NLGN4X: variants seen among roughly 807,000 people sequenced by gnomAD.
NLGN4X encodes neuroligin-4, X-linked.
A neutral mutation model predicts 40.3 loss-of-function variants in NLGN4X; 3 were observed. The ratio of observed to expected loss-of-function variants is 0.07; its 90% confidence interval spans 0.03 to 0.19. The LOEUF (loss-of-function observed/expected upper bound fraction) is 0.19. Among genes scored for constraint, NLGN4X ranks in the 10% least tolerant of loss-of-function variants. The pLI is 1.00. For synonymous variants in NLGN4X, 270 were observed against 306.8 expected (o/e 0.88, Z 1.25); for missense variants, 382 against 708.3 (o/e 0.54, Z 5.23).
At chrX:6,109,683 G>A (rs762645468) in intron 2 of NLGN4X, among the ~76,000 whole-genome samples, 1 of 111,986 alleles carries the variant, frequency 8.9e-6, no homozygotes, top group Non-Finnish European at 1.9e-5. Context: ...AGCTGCAGAA[G>A]TCAGACATGC....
At chrX:6,223,900 C>T (rs1925920790) in intron 1 of NLGN4X, among the ~76,000 whole-genome samples, 1 of 112,845 alleles carries the variant, frequency 8.9e-6, no homozygotes, top group African/African-American at 3.2e-5. Context: ...AAGTACAGTA[C>T]TCAGACAAAA....
intron 2 of NLGN4X, among the ~76,000 whole-genome samples, chrX:6,140,123 T>G (rs2039911375): frequency 9.0e-6 from 1 of 110,832 alleles, no homozygotes; most frequent in South Asian, 3.8e-4. Context: ...AGAAAAGGAG[T>G]GTTCAAGAAC....
intron 1 of NLGN4X, among the ~76,000 whole-genome samples, chrX:6,167,924 C>A (rs1194995569): frequency 9.0e-6 from 1 of 111,724 alleles, no homozygotes; most frequent in Non-Finnish European, 1.9e-5. Context: ...TTAAATATGT[C>A]CGTGGGAAGA....
chrX:6,075,201 T>C (rs2038165277), intron 2 of NLGN4X, among the ~76,000 whole-genome samples: 2 of 111,653 alleles, frequency 1.8e-5, no homozygotes, highest in Admixed American at 9.5e-5. Flanking sequence ...GAAGGTGCAC[T>C]GGAGTTAACA....
At chrX:6,154,246 T>C (rs2040218310) in intron 1 of NLGN4X, among the ~76,000 whole-genome samples, 1 of 112,089 alleles carries the variant, frequency 8.9e-6, no homozygotes. Flanking sequence ...GAATTACTGG[T>C]TTAAGGCATC....
intron 3 of NLGN4X, among the ~76,000 whole-genome samples, chrX:5,956,161 T>C (rs2034488229): frequency 9.3e-6 from 1 of 107,925 alleles, no homozygotes; most frequent in African/African-American, 3.3e-5. Context: ...ATATATAATA[T>C]GAAATATATA....
At chrX:6,144,305 G>A (rs756655441) in intron 2 of NLGN4X, among the ~76,000 whole-genome samples, 7 of 110,967 alleles carry the variant, frequency 6.3e-5, no homozygotes, top group South Asian at 3.9e-4. Flanking sequence ...CAGAAGGCCC[G>A]AAACCAAACA....
Position 5,892,855 on chromosome X carries a change from T to C in NLGN4X, c.2413A>G (p.Thr805Ala), listed in dbSNP as rs760914699. The C allele has an allele frequency of 4.1e-6, 5 of 1,209,351 alleles. No individual in the cohort carries two copies. The African/African-American group carries it at 8.8e-5, about 21-fold the overall frequency. Residue 805 changes from threonine (T) to alanine (A), a missense_variant, in exon 6 of 6, where the codon ACA (threonine) becomes GCA (alanine). Physicochemically the swap from Thr to Ala is moderately conservative, Grantham distance 58 (BLOSUM62 0). This residue lies in a region of NLGN4X where 57 missense variants were observed against 65.6 expected (regional missense o/e 0.87). Coordinates refer to ENST00000381095, the MANE Select transcript of NLGN4X (RefSeq NM_181332.3). ...FNTFSGGQNSTNLPHGHSTTR... is the reference protein window; with the variant it reads ...FNTFSGGQNSANLPHGHSTTR... ...GTGGAATGTCCGTGGGGTAAATTTGTACTGTTTTGTCCTCCACTGAAGGTG... is the reference window on the plus strand; with the variant it reads ...GTGGAATGTCCGTGGGGTAAATTTGCACTGTTTTGTCCTCCACTGAAGGTG...
intron 2 of NLGN4X, among the ~76,000 whole-genome samples, chrX:6,029,791 T>C (rs2036807568): frequency 8.9e-6 from 1 of 111,763 alleles, no homozygotes; most frequent in South Asian, 3.7e-4. Flanking sequence ...CATGGGACCC[T>C]TGATGAAATA....
At chrX:5,978,278 TTCTTTCTTTCTTTCTTTCTTTCTTTC>T (rs1273188384) in intron 3 of NLGN4X, among the ~76,000 whole-genome samples, 4 of 2,978 alleles carry the variant, frequency 1.3e-3, no homozygotes, top group African/African-American at 2.1e-3. Flanking sequence ...CTTTTTTTCT[TTCTTTCTTTCTTTCTTTCTTTCTTTC>T]TTTCTTTCTT....
At chrX:5,905,617 C>A (rs1039866795) in intron 4 of NLGN4X, among the ~76,000 whole-genome samples, 1 of 112,381 alleles carries the variant, frequency 8.9e-6, no homozygotes, top group East Asian at 2.8e-4. Flanking sequence ...TCACTTTCCA[C>A]GTGTACTTTG....
At chrX:6,178,630 G>A (rs766659733) in intron 1 of NLGN4X, among the ~76,000 whole-genome samples, 1 of 112,282 alleles carries the variant, frequency 8.9e-6, no homozygotes, top group East Asian at 2.8e-4. Context: ...AGAAACAAAT[G>A]CCTGTAAGAC....
intron 1 of NLGN4X, chrX:6,227,730 C>G (rs1372236326): frequency 1.8e-5 from 2 of 110,916 alleles, no homozygotes; most frequent in Admixed American, 9.5e-5. Flanking sequence ...GCGCCTGGAT[C>G]GTTCCCTAGC....
chrX:5,934,002 A>G (rs1385799081), intron 3 of NLGN4X, among the ~76,000 whole-genome samples: 1 of 111,837 alleles, frequency 8.9e-6, no homozygotes, highest in Admixed American at 9.6e-5. Context: ...GGAACATAAT[A>G]TTATAAGAAG....
At position 6,180,102 on chromosome X, in the gene NLGN4X, A is replaced by T. The variant is rs150860952; in HGVS notation, c.-305-28331T>A. On this transcript the variant is annotated intron_variant, in intron 1 of 5. Transcript: ENST00000381095. ...CCCTTAATAAATTGGTTCAATTGGA[A>T]AGGCTTTAAAACAAGTAACAAGCAA... Among the ~76,000 whole-genome samples the T allele has an allele frequency of 6.9e-4, 78 of 112,242 alleles. 1 individual carries two copies. Among genetic ancestry groups the T allele is most frequent in the African/African-American group, 2.2e-3 (67 of 30,942 alleles).
intron 2 of NLGN4X, among the ~76,000 whole-genome samples, chrX:6,040,490 T>C (rs1172889152): frequency 9.0e-6 from 1 of 110,981 alleles, no homozygotes; most frequent in Non-Finnish European, 1.9e-5. Flanking sequence ...AAAAAAAGGA[T>C]TACTTAATCC....
chrX:6,037,772 G>C (rs938555490), intron 2 of NLGN4X, among the ~76,000 whole-genome samples: 1 of 110,188 alleles, frequency 9.1e-6, no homozygotes, highest in African/African-American at 3.3e-5. Flanking sequence ...GGAGGGGCAC[G>C]GAAAGAAATG....
chrX:6,145,977 T>TG (rs1309575566), intron 2 of NLGN4X, among the ~76,000 whole-genome samples: 1 of 110,592 alleles, frequency 9.0e-6, no homozygotes, highest in Non-Finnish European at 1.9e-5. Flanking sequence ...TAGCCAGGTA[T>TG]GGTGGAGTGC....
At chrX:5,997,655 T>A (rs66630526) in intron 3 of NLGN4X, among the ~76,000 whole-genome samples, 184 of 8,267 alleles carry the variant, frequency 0.022, no homozygotes, top group Middle Eastern at 0.071. Flanking sequence ...TATATATATA[T>A]AATAGCCTTT....
Sources: allele counts gnomAD v4.1 joint callset (sites outside exome capture counted in the v4.1 genomes callset), GRCh38; gene constraint gnomAD v4.1.1; regional missense constraint gnomAD v4.1.1; transcripts MANE v1.5; gene names NCBI Gene and HGNC (gene_info 2026-07-23, HGNC 2026-07-21).